The following DPP10 variants were observed in gnomAD, a reference collection of about 807,000 sequenced individuals.
The protein encoded by DPP10 is dipeptidyl peptidase like 10.
A neutral mutation model predicts 120.9 loss-of-function variants in DPP10; 33 were observed. The observed-to-expected ratio is 0.27, with a 90% confidence interval of 0.21 to 0.37. DPP10 has a LOEUF of 0.37. DPP10 is among the 10% of genes least tolerant of loss of function. The pLI is 1.00. For missense variants in DPP10, 816 were observed against 942.8 expected, an observed-to-expected ratio of 0.87 and a Z score of 1.76; for synonymous variants, 337 against 326.1, an observed-to-expected ratio of 1.03 and a Z score of -0.36.
intron 1 of DPP10, among the ~76,000 whole-genome samples, chr2:115,068,506 T>A (rs1707110565): frequency 6.6e-6 from 1 of 152,204 alleles, no homozygotes; most frequent in African/African-American, 2.4e-5. Flanking sequence ...AAACAATTTC[T>A]CCCATGTAGG....
At chr2:115,713,202 G>T (rs1224240673) in intron 7 of DPP10, among the ~76,000 whole-genome samples, 1 of 152,108 alleles carries the variant, frequency 6.6e-6, no homozygotes, top group East Asian at 1.9e-4. Context: ...TTGATAAGCA[G>T]CAGTCATGAG....
intron 5 of DPP10, among the ~76,000 whole-genome samples, chr2:115,627,504 T>C (rs2085461121): frequency 6.6e-6 from 1 of 152,100 alleles, no homozygotes; most frequent in Non-Finnish European, 1.5e-5. Context: ...TTGGTTTAGT[T>C]ATTTTTTTAT....
intron 1 of DPP10, among the ~76,000 whole-genome samples, chr2:115,180,298 A>G (rs1438825006): frequency 6.6e-6 from 1 of 152,186 alleles, no homozygotes; most frequent in African/African-American, 2.4e-5. Flanking sequence ...GAAAAGGTAC[A>G]TGAAATGTTA....
At chr2:115,772,260 A>G (rs778938032) in intron 13 of DPP10, among the ~76,000 whole-genome samples, 11 of 152,128 alleles carry the variant, frequency 7.2e-5, no homozygotes, top group Admixed American at 2.6e-4. Context: ...AATAACCATT[A>G]TTTGTTGTTC....
intron 1 of DPP10, among the ~76,000 whole-genome samples, chr2:114,648,118 C>A (rs1696276307): frequency 6.6e-6 from 1 of 152,144 alleles, no homozygotes; most frequent in Non-Finnish European, 1.5e-5. Flanking sequence ...GGCAAAATAT[C>A]TATCCTGTGA....
At chr2:114,752,165 T>A (rs1679293193) in intron 1 of DPP10, among the ~76,000 whole-genome samples, 1 of 152,128 alleles carries the variant, frequency 6.6e-6, no homozygotes, top group African/African-American at 2.4e-5. Context: ...AGCCTGCTGC[T>A]CCCAACTGAT....
At chr2:114,541,372 C>T (rs1686940287) in intron 1 of DPP10, among the ~76,000 whole-genome samples, 1 of 152,162 alleles carries the variant, frequency 6.6e-6, no homozygotes, top group Non-Finnish European at 1.5e-5. Context: ...CAAACCTCTC[C>T]TTTCTGTGCC....
At chr2:115,697,908 G>A (rs754348404) in intron 7 of DPP10, among the ~76,000 whole-genome samples, 1 of 152,150 alleles carries the variant, frequency 6.6e-6, no homozygotes, top group African/African-American at 2.4e-5. Context: ...CATGAACCCG[G>A]GAGGCAGAGC....
At chr2:115,388,691 A>T (rs1185976711) in intron 3 of DPP10, among the ~76,000 whole-genome samples, 1 of 152,152 alleles carries the variant, frequency 6.6e-6, no homozygotes, top group Non-Finnish European at 1.5e-5. Flanking sequence ...CTCCTACTAG[A>T]CTATAAACCC....
intron 1 of DPP10, among the ~76,000 whole-genome samples, chr2:114,729,079 T>C (rs1574056934): frequency 6.6e-6 from 1 of 152,288 alleles, no homozygotes; most frequent in East Asian, 1.9e-4. Flanking sequence ...CACAACGGCT[T>C]TGTATAGAAA....
chr2:114,899,801 C>CA (rs201999739), intron 1 of DPP10, among the ~76,000 whole-genome samples: 32,684 of 150,224 alleles, frequency 0.22, 3,825 homozygotes, highest in Middle Eastern at 0.33. Flanking sequence ...ACTAAAAATA[C>CA]AAAAAAAAAT....
chr2:115,138,916 C>T (rs1051203010), intron 1 of DPP10, among the ~76,000 whole-genome samples: 4 of 152,130 alleles, frequency 2.6e-5, no homozygotes, highest in African/African-American at 9.7e-5. Context: ...TGATTGCTTA[C>T]ACCTGGGCAA....
chr2:115,833,673 TC>T (rs1168330964), intron 21 of DPP10, among the ~76,000 whole-genome samples: 2 of 152,168 alleles, frequency 1.3e-5, no homozygotes, highest in African/African-American at 2.4e-5. Flanking sequence ...TAAAACTGTT[TC>T]ATGAACAAAA....
intron 5 of DPP10, among the ~76,000 whole-genome samples, chr2:115,556,239 A>C (rs2080202303): frequency 2.0e-5 from 3 of 151,640 alleles, no homozygotes; most frequent in Admixed American, 1.3e-4. Context: ...TGAAAGGAAA[A>C]CCCCCTAGAT....
intron 1 of DPP10, among the ~76,000 whole-genome samples, chr2:114,767,913 G>T (rs1439723716): frequency 6.6e-6 from 1 of 152,100 alleles, no homozygotes; most frequent in Non-Finnish European, 1.5e-5. Flanking sequence ...CTGAGGTCAG[G>T]AGTTTGAAAC....
chr2:115,842,656 G>A lies in DPP10; in HGVS notation c.*311G>A, dbSNP rs1690268437. On this transcript the variant is annotated 3_prime_UTR_variant, in exon 26 of 26. Coordinates refer to ENST00000410059, the MANE Select transcript of DPP10 (RefSeq NM_020868.6). ...TATCCCCCTGTTTGTTCTGTAACTA[G>A]TTGCTCTCATTTTAATTTCACTGGC... The A allele has an allele frequency of 4.9e-6, 1 of 202,716 alleles. No individual in the cohort carries two copies. Among genetic ancestry groups the A allele is most frequent in the Non-Finnish European group, 1.0e-5 (1 of 99,976 alleles). The allele number at this position is 202,716 out of a possible 1,614,324, so 12.6% of individuals were successfully genotyped here. A position where few individuals can be genotyped will look rare whatever the true frequency, so the allele number is the denominator to read the frequency against.
intron 1 of DPP10, among the ~76,000 whole-genome samples, chr2:114,640,835 G>T (rs545269053): frequency 1.3e-5 from 2 of 151,884 alleles, no homozygotes; most frequent in Non-Finnish European, 2.9e-5. Flanking sequence ...CAGTTTGCCA[G>T]ACAGCAAGTC....
chr2:115,372,075 G>A (rs1287896841), intron 3 of DPP10, among the ~76,000 whole-genome samples: 1 of 152,026 alleles, frequency 6.6e-6, no homozygotes, highest in South Asian at 2.1e-4. Context: ...AAATATTCAT[G>A]TATTAAAGTG....
intron 1 of DPP10, among the ~76,000 whole-genome samples, chr2:114,730,400 A>C (rs542166744): frequency 6.6e-6 from 1 of 152,208 alleles, no homozygotes; most frequent in Non-Finnish European, 1.5e-5. Flanking sequence ...GGCCTTCAGG[A>C]GGGACAGTAC....
Sources: allele counts gnomAD v4.1 joint callset (sites outside exome capture counted in the v4.1 genomes callset), GRCh38; gene constraint gnomAD v4.1.1; transcripts MANE v1.5; gene names NCBI Gene and HGNC (gene_info 2026-07-23, HGNC 2026-07-21).